PARP4: variants seen among roughly 807,000 people sequenced by gnomAD.
PARP4 encodes protein mono-ADP-ribosyltransferase PARP4.
A neutral mutation model predicts 187.7 loss-of-function variants in PARP4; 120 were observed. That is an observed-to-expected ratio of 0.64 (90% CI 0.55 to 0.74). PARP4 has a LOEUF of 0.74. Among genes scored for constraint, PARP4 ranks in the 30% least tolerant of loss-of-function variants. The pLI, the probability that PARP4 is intolerant of heterozygous loss-of-function variation, is 0.00. For missense variants in PARP4, 1,836 were observed against 2,070.5 expected, an observed-to-expected ratio of 0.89 and a Z score of 2.20; for synonymous variants, 654 against 740.9, an observed-to-expected ratio of 0.88 and a Z score of 1.90.
chr13:24,470,206 T>C (rs1277979916), intron 15 of PARP4, among the ~76,000 whole-genome samples, 181 bp from the exon 16 acceptor site: 2 of 152,312 alleles, frequency 1.3e-5, no homozygotes, highest in East Asian at 3.9e-4. Flanking sequence ...TGTGATAAAA[T>C]GCACCAGTCC....
intron 21 of PARP4, among the ~76,000 whole-genome samples, chr13:24,455,506 T>TATATATATATATATATAACACA (rs1555234626): frequency 7.4e-6 from 1 of 135,450 alleles, no homozygotes; most frequent in African/African-American, 2.7e-5. Context: ...TATATATATA[T>TATATATATATATATATAACACA]CACACTATTC....
chr13:24,440,742 CTGT>C (rs1870884621), intron 30 of PARP4, among the ~76,000 whole-genome samples: 1 of 151,776 alleles, frequency 6.6e-6, no homozygotes, highest in Admixed American at 6.6e-5. Flanking sequence ...ATCTTAACCA[CTGT>C]GTTTACTGAC....
At chr13:24,423,788 C>A (rs9581026) in intron 33 of PARP4, among the ~76,000 whole-genome samples, 64,333 of 151,104 alleles carry the variant, frequency 0.43, 14,322 homozygotes, top group African/African-American at 0.57. Flanking sequence ...AGCAATCCCC[C>A]CGACCTCAGC....
rs533328194 is a variant in PARP4, at chr13:24,506,388, C to G, written c.-1-2611G>C. Among the ~76,000 whole-genome samples the G allele has an allele frequency of 7.2e-5, 11 of 152,260 alleles. No homozygotes were observed. The South Asian group carries it at 1.5e-3, about 20-fold the overall frequency. On this transcript the variant is annotated intron_variant, in intron 1 of 33. Transcript: ENST00000381989. Reference sequence around the variant, plus strand: ...GGAGTGAAAAACAAAGCTTCCACAGCGTGGAAGAGGACCCCAGCAGGTTGC... The same window carrying G: ...GGAGTGAAAAACAAAGCTTCCACAGGGTGGAAGAGGACCCCAGCAGGTTGC...
chr13:24,426,551 C>G lies in PARP4; in HGVS notation c.4894G>C (p.Val1632Leu), dbSNP rs1469037609. Residue 1632 changes from valine (V) to leucine (L), a missense_variant, in exon 33 of 34, where the codon GTA becomes CTA. By Grantham distance (32) the Val-to-Leu change is conservative (BLOSUM62 1). Transcript: ENST00000381989. ...AACCTGGTGCGAATAAACTGTAGTA[C>G]CAGCATTGTGGCAATTAGGTCCAGG... Reference protein sequence around the residue: ...CLLDLIATMLVLQFIRTRLEK... With the variant: ...CLLDLIATMLLLQFIRTRLEK... The G allele has an allele frequency of 1.2e-6, 2 of 1,611,822 alleles. No homozygotes were observed. The highest frequency in any genetic ancestry group is 2.2e-5 in the East Asian group (1 of 44,846).
chr13:24,453,961 C>A (rs1871672928), intron 22 of PARP4, among the ~76,000 whole-genome samples: 5 of 152,010 alleles, frequency 3.3e-5, no homozygotes, highest in Admixed American at 3.3e-4. Context: ...GCTAAAAATA[C>A]AAAAATTAGC....
At chr13:24,501,978 T>C in intron 2 of PARP4, 144 bp from the exon 3 acceptor site, 1 of 593,132 alleles carries the variant, frequency 1.7e-6, no homozygotes, top group South Asian at 2.1e-5. Flanking sequence ...TCTATAAATA[T>C]CACAGTTTCT....
At chr13:24,465,165 T>C (rs558990422) in intron 17 of PARP4, among the ~76,000 whole-genome samples, 3 of 152,084 alleles carry the variant, frequency 2.0e-5, no homozygotes, top group Non-Finnish European at 2.9e-5. Flanking sequence ...TGTGGAGAAA[T>C]AGGAATGCTT....
At chr13:24,471,892 ATAT>A (rs1157547197) in intron 15 of PARP4, among the ~76,000 whole-genome samples, 3 of 152,218 alleles carry the variant, frequency 2.0e-5, no homozygotes, top group Admixed American at 6.5e-5. Context: ...TGATGGGCAG[ATAT>A]TATTATTTCC....
rs1465099385 is a variant in PARP4, at chr13:24,493,846, G to A, written c.742-113C>T. The A allele has an allele frequency of 5.0e-6, 5 of 995,876 alleles. No individual in the cohort carries two copies. The Admixed American group carries it at 6.3e-5, about 13-fold the overall frequency. The allele number at this position is 995,876 out of a possible 1,614,324, so 61.7% of individuals were successfully genotyped here. A position where few individuals can be genotyped will look rare whatever the true frequency, so the allele number is the denominator to read the frequency against. On this transcript the variant is annotated intron_variant, in intron 7 of 33. Coordinates refer to ENST00000381989, the MANE Select transcript of PARP4 (RefSeq NM_006437.4). Reference sequence around the variant, plus strand: ...GGAGAAATAATTGATTAGAGCCCAGGAGAGTCATCCCCAGCCAGGTAACTA... The same window carrying A: ...GGAGAAATAATTGATTAGAGCCCAGAAGAGTCATCCCCAGCCAGGTAACTA...
chr13:24,444,064 T>C (rs1593597967), intron 27 of PARP4, among the ~76,000 whole-genome samples: 2 of 152,390 alleles, frequency 1.3e-5, no homozygotes, highest in African/African-American at 4.8e-5. Context: ...AATTGAAAAC[T>C]TCTTTTCTAC....
chr13:24,459,239 C>A (rs1288634532), intron 19 of PARP4, 25 bp downstream of exon 19: 5 of 1,589,256 alleles, frequency 3.1e-6, no homozygotes, highest in Non-Finnish European at 4.3e-6. Flanking sequence ...ATTGAATTGA[C>A]AGGTTTTATA....
Position 24,434,664 on chromosome 13 carries a change from T to C in PARP4, c.4477A>G (p.Thr1493Ala). ...AGAAGACAGAGATCTACTGGGGTAG[T>C]CCGGGACTGACTGCAAAGAGCCTCA... ...LPEALCSQSR[T>A]TPVDLCLLEE... Residue 1493 changes from threonine to alanine, a missense_variant, in exon 31 of 34, where the codon ACT (threonine) becomes GCT (alanine). This residue lies in a region of PARP4 where 450 missense variants were observed against 439.2 expected (regional missense o/e 1.02). Transcript: ENST00000381989. The C allele has an allele frequency of 1.2e-6, 2 of 1,614,058 alleles. No homozygotes were observed. Among genetic ancestry groups the C allele is most frequent in the African/African-American group, 1.3e-5 (1 of 75,036 alleles).
chr13:24,498,311 TATAAA>T, intron 5 of PARP4, 82 bp from the exon 6 acceptor site: 2 of 766,398 alleles, frequency 2.6e-6, no homozygotes, highest in Non-Finnish European at 2.2e-6. Flanking sequence ...TGATTATAAT[TATAAA>T]ATATGTTCAT....
chr13:24,474,845 G>C (rs533756913), intron 15 of PARP4, among the ~76,000 whole-genome samples: 12 of 152,114 alleles, frequency 7.9e-5, no homozygotes, highest in African/African-American at 2.2e-4. Flanking sequence ...GTCAAGGACA[G>C]CATGACCTGT....
intron 2 of PARP4, 100 bp downstream of exon 2, chr13:24,503,545 T>A: frequency 7.2e-7 from 1 of 1,380,036 alleles, no homozygotes; most frequent in Non-Finnish European, 1.0e-6. Flanking sequence ...GCTCACTCAC[T>A]CTCTCCTGCT....
chr13:24,437,361 A>T (rs1870684789), intron 30 of PARP4, among the ~76,000 whole-genome samples: 1 of 152,178 alleles, frequency 6.6e-6, no homozygotes, highest in Admixed American at 6.5e-5. Context: ...AAAAGAAGAA[A>T]CACAAAGATT....
In PARP4 at chr13:24,501,665, G is replaced by T. The variant is rs774328515; in HGVS notation, c.302C>A (p.Thr101Lys). The change falls in exon 3 of 34, where the codon ACA becomes AAA. Residue 101 changes from threonine (T) to lysine (K), a missense_variant. Thr to Lys is a moderately conservative substitution (Grantham distance 78, BLOSUM62 -1). Coordinates refer to ENST00000381989, the MANE Select transcript of PARP4 (RefSeq NM_006437.4). ...GCTCGCCTTCTGATCAGGAGGTGGT[G>T]TGATGTCCAGGGGCTTATAAGGATC... ...NYDPYKPLDI[T>K]PPPDQKASSS... 1.2e-6 allele frequency: 2 copies of T among 1,613,156 alleles called. No individual in the cohort carries two copies. Among genetic ancestry groups the T allele is most frequent in the Non-Finnish European group, 1.7e-6 (2 of 1,179,268 alleles).
chr13:24,425,567 G>GTA (rs573054189), intron 33 of PARP4, among the ~76,000 whole-genome samples: 2 of 142,306 alleles, frequency 1.4e-5, no homozygotes, highest in South Asian at 2.2e-4. Context: ...GTGTGTGTGT[G>GTA]TGTATATCTA....
Sources: allele counts gnomAD v4.1 joint callset (sites outside exome capture counted in the v4.1 genomes callset), GRCh38; gene constraint gnomAD v4.1.1; regional missense constraint gnomAD v4.1.1; transcripts MANE v1.5; gene names NCBI Gene and HGNC (gene_info 2026-07-23, HGNC 2026-07-21).